MAP7D2: variants seen among roughly 807,000 people sequenced by gnomAD.
The protein encoded by MAP7D2 is MAP7 domain containing 2, also known as MAP7 domain-containing protein 2.
A neutral mutation model predicts 63.5 loss-of-function variants in MAP7D2; 33 were observed. That is an observed-to-expected ratio of 0.52 (90% CI 0.39 to 0.70). The LOEUF (loss-of-function observed/expected upper bound fraction) is 0.70. Among genes scored for constraint, MAP7D2 ranks in the 30% least tolerant of loss-of-function variants. The pLI, the probability that MAP7D2 is intolerant of heterozygous loss-of-function variation, is 0.00. For missense variants in MAP7D2, 626 were observed against 604.0 expected, an observed-to-expected ratio of 1.04 and a Z score of -0.38; for synonymous variants, 224 against 223.7, an observed-to-expected ratio of 1.00 and a Z score of -0.01.
chrX:20,022,962 G>A lies in MAP7D2; in HGVS notation c.1412+1989C>T, dbSNP rs373831359. ...GCACGGAAATGTGGCGGGTGTGGCT[G>A]GGGAAATGAATTTTACTGAATGTAT... On this transcript the variant is annotated intron_variant, in intron 10 of 16. Transcript: ENST00000379643. Among the ~76,000 whole-genome samples, 5 of 111,444 alleles carry A rather than the reference G, an allele frequency of 4.5e-5. No individual in the cohort carries two copies. In the East Asian group the frequency reaches 1.1e-3, roughly 25 times the overall value.
chrX:20,072,904 T>C (rs1014266263), intron 1 of MAP7D2, among the ~76,000 whole-genome samples: 3 of 111,703 alleles, frequency 2.7e-5, no homozygotes, highest in Non-Finnish European at 5.6e-5. Flanking sequence ...CTTTTGGGAG[T>C]GATGAAAATG....
intron 10 of MAP7D2, among the ~76,000 whole-genome samples, chrX:20,023,127 G>A (rs1384388222): frequency 3.6e-5 from 4 of 112,363 alleles, no homozygotes; most frequent in African/African-American, 1.3e-4. Flanking sequence ...AAGTATGGAA[G>A]GTTTAGAAAG....
In MAP7D2 at chrX:20,012,474, A is replaced by G. The variant is rs1249003652; in HGVS notation, c.1947T>C (p.Thr649=). The change falls in exon 15 of 17, where the codon ACT becomes ACC. Residue 649 remains threonine (T), a synonymous_variant. Coordinates refer to ENST00000379643, the MANE Select transcript of MAP7D2 (RefSeq NM_001168465.2). ...VNGVDHAAPE[T]YPQDIFSNGL... The stretch of plus-strand genomic sequence containing the variant: ...CATTAGAGAAAATGTCTTGGGGATA[A>G]GTTTCTGGGGCAGCGTGATCCACAC... 1 of 1,205,072 alleles carries G rather than the reference A, an allele frequency of 8.3e-7. No homozygotes were observed. The highest frequency in any genetic ancestry group is 3.0e-5 in the East Asian group (1 of 33,593).
At position 20,044,412 on chromosome X, in the gene MAP7D2, A is replaced by G; in HGVS notation, c.831T>C (p.Gly277=). The G allele has an allele frequency of 8.3e-7, 1 of 1,211,474 alleles. No individual in the cohort carries two copies. The part of the protein sequence containing the change: ...KKKATSTSTS[G]AGDVGKEALS... Reference sequence around the variant, plus strand: ...GGGCTTCTTTCCCAACATCTCCTGCACCAGATGTAGACGTAGATGTAGCTT... The same window carrying G: ...GGGCTTCTTTCCCAACATCTCCTGCGCCAGATGTAGACGTAGATGTAGCTT... The change falls in exon 7 of 17, where the codon GGT becomes GGC. Residue 277 remains glycine (G), a synonymous_variant. Coordinates refer to ENST00000379643, the MANE Select transcript of MAP7D2 (RefSeq NM_001168465.2).
At chrX:20,016,830 G>C (rs2073412833) in intron 10 of MAP7D2, among the ~76,000 whole-genome samples, 1 of 112,175 alleles carries the variant, frequency 8.9e-6, no homozygotes, top group African/African-American at 3.2e-5. Flanking sequence ...TTATGAAGCA[G>C]CAAATGGAAG....
intron 1 of MAP7D2, among the ~76,000 whole-genome samples, chrX:20,092,118 T>TG (rs1282320622): frequency 8.9e-6 from 1 of 111,734 alleles, no homozygotes; most frequent in Non-Finnish European, 1.9e-5. Context: ...GCTTCCCCAG[T>TG]GTTAACCTGC....
At chrX:20,068,077 C>T (rs2065405708) in intron 1 of MAP7D2, among the ~76,000 whole-genome samples, 1 of 112,309 alleles carries the variant, frequency 8.9e-6, no homozygotes, top group African/African-American at 3.2e-5. Flanking sequence ...ATGGCCGTCT[C>T]TTTCTTTTTT....
chrX:20,066,072 G>A (rs1311396851), intron 1 of MAP7D2, among the ~76,000 whole-genome samples: 6 of 110,130 alleles, frequency 5.4e-5, no homozygotes, highest in Non-Finnish European at 1.9e-5. Context: ...ACAGGCGCCC[G>A]CCACCGCGCC....
chrX:20,031,422 A>G (rs985849096), intron 8 of MAP7D2, among the ~76,000 whole-genome samples: 9 of 111,111 alleles, frequency 8.1e-5, no homozygotes, highest in Non-Finnish European at 1.7e-4. Context: ...ATTAAATGCA[A>G]TGTGGGACCC....
intron 1 of MAP7D2, among the ~76,000 whole-genome samples, chrX:20,071,986 A>G (rs1250285748): frequency 4.5e-5 from 5 of 110,667 alleles, no homozygotes; most frequent in African/African-American, 1.6e-4. Context: ...CTTGTCCTCT[A>G]AACTCTTGTC....
At chrX:20,019,273 C>T (rs1159889080) in intron 10 of MAP7D2, among the ~76,000 whole-genome samples, 1 of 111,258 alleles carries the variant, frequency 9.0e-6, no homozygotes. Flanking sequence ...AAGTGATCCG[C>T]CCACCCCATT....
intron 1 of MAP7D2, chrX:20,116,418 A>C: frequency 3.4e-6 from 1 of 296,600 alleles, no homozygotes; most frequent in African/African-American, 2.9e-5. Flanking sequence ...AACGACCCCC[A>C]TGCCGGCTGC....
chrX:20,016,204 C>T lies in MAP7D2; in HGVS notation c.1534G>A (p.Glu512Lys). Residue 512 changes from glutamate to lysine, a missense_variant, in exon 11 of 17, where the codon GAA becomes AAA. Glu to Lys is a moderately conservative substitution (Grantham distance 56). Transcript: ENST00000379643. ...TCCTCGCCTGCCTTTCTTTTCTCTT[C>T]CCCTTCCTGTTTTTTCTTTTCCTCT... ...QEEEKKKQEG[E>K]EKRKAGEEAK... 1.7e-6 allele frequency: 2 copies of T among 1,196,773 alleles called. No homozygotes were observed. Among genetic ancestry groups the T allele is most frequent in the African/African-American group, 1.7e-5 (1 of 57,373 alleles).
At chrX:20,105,833 A>C (rs2148550994) in intron 1 of MAP7D2, among the ~76,000 whole-genome samples, 1 of 112,124 alleles carries the variant, frequency 8.9e-6, no homozygotes, top group African/African-American at 3.2e-5. Flanking sequence ...ATGTTTTTTC[A>C]ATACCATGCT....
intron 8 of MAP7D2, among the ~76,000 whole-genome samples, chrX:20,036,903 CAA>C (rs59036515): frequency 0.011 from 338 of 29,724 alleles, 1 homozygote; most frequent in African/African-American, 0.032. Context: ...GACTCCATCT[CAA>C]AAAAAAAAAA....
At chrX:20,075,176 C>T (rs755509222) in intron 1 of MAP7D2, among the ~76,000 whole-genome samples, 1 of 112,102 alleles carries the variant, frequency 8.9e-6, no homozygotes, top group Non-Finnish European at 1.9e-5. Flanking sequence ...CTTTCAAAAT[C>T]CCAAATCATG....
chrX:20,108,073 C>T (rs1467835780), intron 1 of MAP7D2, among the ~76,000 whole-genome samples: 1 of 111,177 alleles, frequency 9.0e-6, no homozygotes, highest in African/African-American at 3.3e-5. Flanking sequence ...AGGTGCCAGT[C>T]TCTCTTTTTT....
In MAP7D2 at chrX:20,045,879, T is replaced by G. The variant is rs781154848; in HGVS notation, c.719-1355A>C. ...CAATACAGCTCCAAGAGAGTTGGCT[T>G]GATGGATCCCCCTGGCTGCTTTTGA... On this transcript the variant is annotated intron_variant, in intron 6 of 16. Coordinates refer to ENST00000379643, the MANE Select transcript of MAP7D2 (RefSeq NM_001168465.2). Among the ~76,000 whole-genome samples, 529 of 111,669 alleles carry G rather than the reference T, an allele frequency of 4.7e-3. 2 individuals carry two copies. The highest frequency in any genetic ancestry group is 5.7e-3 in the Non-Finnish European group (301 of 53,154).
intron 3 of MAP7D2, among the ~76,000 whole-genome samples, chrX:20,060,478 GAA>G (rs1569098637): frequency 6.7e-5 from 7 of 103,993 alleles, no homozygotes; most frequent in Non-Finnish European, 1.2e-4. Flanking sequence ...AAGAAAGAAA[GAA>G]AGAAAGAAAG....
Sources: allele counts gnomAD v4.1 joint callset (sites outside exome capture counted in the v4.1 genomes callset), GRCh38; gene constraint gnomAD v4.1.1; transcripts MANE v1.5; gene names NCBI Gene and HGNC (gene_info 2026-07-23, HGNC 2026-07-21).